Variants in ECE1 observed in about 807,000 individuals in gnomAD.
ECE1 encodes endothelin-converting enzyme 1.
In ECE1, 35 loss-of-function variants were observed where a neutral mutation model predicts 98.6. That is an observed-to-expected ratio of 0.35 (90% CI 0.27 to 0.47). ECE1 has a LOEUF of 0.47. ECE1 is among the 20% of genes least tolerant of loss of function. The pLI, the probability that ECE1 is intolerant of heterozygous loss-of-function variation, is 1.00. For missense variants in ECE1, 814 were observed against 1,025.3 expected, an observed-to-expected ratio of 0.79 and a Z score of 2.81; for synonymous variants, 394 against 407.1, an observed-to-expected ratio of 0.97 and a Z score of 0.39.
chr1:21,300,768 C>CT (rs1228407229), intron 1 of ECE1, among the ~76,000 whole-genome samples: 2 of 151,990 alleles, frequency 1.3e-5, no homozygotes, highest in African/African-American at 2.4e-5. Context: ...TTCTGGTAGA[C>CT]TTTTTTTTCT....
chr1:21,266,376 C>A (rs1416133584), intron 4 of ECE1: 1 of 152,198 alleles, frequency 6.6e-6, no homozygotes, highest in African/African-American at 2.4e-5. Flanking sequence ...AGACTCCGTT[C>A]AGACAGTCAC....
intron 4 of ECE1, among the ~76,000 whole-genome samples, chr1:21,267,732 A>G (rs2098235700): frequency 1.3e-5 from 2 of 152,188 alleles, no homozygotes; most frequent in South Asian, 4.1e-4. Flanking sequence ...TCCTGTAGAC[A>G]CCATACTGGA....
In ECE1 at chr1:21,327,571, C is replaced by A. The variant is rs181445688; in HGVS notation, c.3+17805G>T. Among the ~76,000 whole-genome samples, 302 of 152,308 alleles carry A rather than the reference C, an allele frequency of 2.0e-3. 3 individuals are homozygous for A. The highest frequency in any genetic ancestry group is 2.6e-4 in the Non-Finnish European group (18 of 68,024). ...CGGGAGACCTCCACCCTGCTTGTTACACATTTTTGCCTTTTCTTACTTTGA... is the reference window on the plus strand; with the variant it reads ...CGGGAGACCTCCACCCTGCTTGTTAAACATTTTTGCCTTTTCTTACTTTGA... On this transcript the variant is annotated intron_variant, in intron 1 of 18. Coordinates refer to the ECE1 transcript ENST00000415912. This position sits in a 1 kb window ranked among gnomAD's most constrained non-coding sequence, Gnocchi z 4.6.
intron 2 of ECE1, among the ~76,000 whole-genome samples, chr1:21,289,710 T>A (rs2098264353): frequency 6.6e-6 from 1 of 151,362 alleles, no homozygotes; most frequent in South Asian, 2.1e-4. Flanking sequence ...ACTCTGCCGG[T>A]AAAGGGCCTG....
At chr1:21,301,912 C>T (rs948351917) in intron 1 of ECE1, among the ~76,000 whole-genome samples, 2 of 151,758 alleles carry the variant, frequency 1.3e-5, no homozygotes, top group Non-Finnish European at 2.9e-5. Flanking sequence ...CACCACAACC[C>T]TGTGTGGTAG....
At chr1:21,303,304 C>T (rs932855546) in intron 1 of ECE1, among the ~76,000 whole-genome samples, 1 of 152,206 alleles carries the variant, frequency 6.6e-6, no homozygotes, top group African/African-American at 2.4e-5. Flanking sequence ...CCCTTGCCCT[C>T]GAGAGGAACA....
rs116537934 is a variant in ECE1, at chr1:21,219,623, A to G, written c.*332T>C. ...TTTAAAAAATAGTTTCCCCAAAAAT[A>G]TATCTTGAAAGCATTTGACACAGTG... On this transcript the variant is annotated 3_prime_UTR_variant, in exon 19 of 19. Coordinates refer to ENST00000374893, the MANE Select transcript of ECE1 (RefSeq NM_001397.3). The surrounding 1 kb of genome is among the most constrained non-coding windows in gnomAD (Gnocchi z 4.5). The G allele has an allele frequency of 1.4e-3, 497 of 351,314 alleles. 5 individuals carry two copies. Among genetic ancestry groups the G allele is most frequent in the African/African-American group, 9.7e-3 (478 of 49,244 alleles). 21.8% of individuals were successfully genotyped at this position (351,314 alleles called of 1,614,324 possible).
chr1:21,236,467 T>C (rs932343636), intron 12 of ECE1, among the ~76,000 whole-genome samples: 2 of 152,208 alleles, frequency 1.3e-5, no homozygotes, highest in Non-Finnish European at 2.9e-5. Flanking sequence ...CTGACCCACA[T>C]GGAGAAACCC....
upstream of ECE1, among the ~76,000 whole-genome samples, chr1:21,292,309 C>CT (rs2098267301): frequency 6.6e-6 from 1 of 152,044 alleles, no homozygotes; most frequent in Non-Finnish European, 1.5e-5. Context: ...CCCCCTCCCC[C>CT]ACCAACCTCC....
chr1:21,233,500 A>G lies in ECE1; in HGVS notation c.1670+58T>C. 2 of 1,545,468 alleles carry G rather than the reference A, an allele frequency of 1.3e-6. No individual in the cohort carries two copies. Among genetic ancestry groups the G allele is most frequent in the Admixed American group, 1.7e-5 (1 of 59,432 alleles). ...GGTGCAATGAAGGCCAGTTCGTCCC[A>G]AGGCTTGCCCACAGGTGGGGAGCTG... On this transcript the variant is annotated intron_variant, in intron 14 of 18. Transcript: ENST00000374893. The surrounding 1 kb of genome is among the most constrained non-coding windows in gnomAD (Gnocchi z 4.0).
At chr1:21,223,465 A>G (rs941208170) in intron 17 of ECE1, among the ~76,000 whole-genome samples, 2 of 151,502 alleles carry the variant, frequency 1.3e-5, no homozygotes, top group Non-Finnish European at 1.5e-5. Flanking sequence ...TTTTTTATAT[A>G]TAAATATGTA....
At chr1:21,342,615 C>T (rs398046994) in intron 1 of ECE1, among the ~76,000 whole-genome samples, 31,421 of 127,836 alleles carry the variant, frequency 0.25, 3,389 homozygotes, top group South Asian at 0.31. Context: ...GATACACACA[C>T]ACACACACAC....
chr1:21,282,630 C>G (rs1305970397), intron 2 of ECE1, among the ~76,000 whole-genome samples: 1 of 150,392 alleles, frequency 6.6e-6, no homozygotes, highest in African/African-American at 2.4e-5. Context: ...AAAAGAGGTA[C>G]CCCTGTGCCT....
At position 21,338,016 on chromosome 1, in the gene ECE1, G is replaced by C. The variant is rs1639334980; in HGVS notation, c.3+7360C>G. Among the ~76,000 whole-genome samples the C allele has an allele frequency of 2.0e-5, 3 of 152,170 alleles. No homozygotes were observed. The South Asian group carries it at 6.2e-4, about 32-fold the overall frequency. ...TGTGTAATGGACTCGAAGCTTCTGT[G>C]AAAGAGCTGCTGAGGAAATGAGTCC... is the stretch of plus-strand genomic sequence containing the variant. On this transcript the variant is annotated intron_variant, in intron 1 of 18. Coordinates refer to the ECE1 transcript ENST00000415912.
chr1:21,295,457 C>T (rs1363861283), upstream of ECE1, among the ~76,000 whole-genome samples: 2 of 152,226 alleles, frequency 1.3e-5, no homozygotes, highest in African/African-American at 4.8e-5. Flanking sequence ...ATTATTATTA[C>T]ATTATCCATT....
chr1:21,301,692 G>A (rs1472974021), intron 1 of ECE1, among the ~76,000 whole-genome samples: 1 of 151,588 alleles, frequency 6.6e-6, no homozygotes, highest in African/African-American at 2.4e-5. Flanking sequence ...GTGGCGTGGT[G>A]GCTCACATCT....
intron 4 of ECE1, among the ~76,000 whole-genome samples, chr1:21,263,773 C>T (rs2098230226): frequency 6.6e-6 from 1 of 152,176 alleles, no homozygotes; most frequent in Non-Finnish European, 1.5e-5. Context: ...AGTATCCCCA[C>T]TGCCAATGCT....
chr1:21,260,248 G>A lies in ECE1; in HGVS notation c.615+23C>T. On this transcript the variant is annotated intron_variant, in intron 5 of 18. Coordinates refer to ENST00000374893, the MANE Select transcript of ECE1 (RefSeq NM_001397.3). The surrounding 1 kb of genome is among the most constrained non-coding windows in gnomAD (Gnocchi z 4.3). Reference sequence around the variant, plus strand: ...CAGGTGGCATGGGCCGGGGCTTGGGGAGGGAGAGCCCGAGGCACTCACCCT... The same window carrying A: ...CAGGTGGCATGGGCCGGGGCTTGGGAAGGGAGAGCCCGAGGCACTCACCCT... The A allele has an allele frequency of 6.2e-7, 1 of 1,614,218 alleles. No homozygotes were observed. The highest frequency in any genetic ancestry group is 8.5e-7 in the Non-Finnish European group (1 of 1,180,038).
intron 4 of ECE1, among the ~76,000 whole-genome samples, chr1:21,263,101 C>T (rs2098229195): frequency 2.0e-5 from 3 of 152,190 alleles, no homozygotes; most frequent in Non-Finnish European, 4.4e-5. Context: ...GGGGAAGCTT[C>T]GTTTGAGCTT....
Sources: allele counts gnomAD v4.1 joint callset (sites outside exome capture counted in the v4.1 genomes callset), GRCh38; gene constraint gnomAD v4.1.1; non-coding constraint Gnocchi (gnomAD v3.1); transcripts MANE v1.5; gene names NCBI Gene and HGNC (gene_info 2026-07-23, HGNC 2026-07-21).